C4orf50: variants seen among roughly 807,000 people sequenced by gnomAD.
The protein encoded by C4orf50 is uncharacterized protein C4orf50.
C4orf50 carries 80 observed loss-of-function variants against 77.2 expected under a neutral mutation model. That is an observed-to-expected ratio of 1.04 (90% confidence interval 0.87 to 1.25). The LOEUF is 1.25. Ranked by LOEUF, C4orf50 falls within the 50% of genes most tolerant of loss-of-function variation. C4orf50 has a pLI of 0.00. For missense variants in C4orf50, 1,257 were observed against 1,152.9 expected (o/e 1.09, Z -1.31); for synonymous variants, 532 against 465.3 (o/e 1.14, Z -1.84).
At position 6,017,574 on chromosome 4, in the gene C4orf50, G is replaced by C. The variant is rs367997993; in HGVS notation, c.287+571C>G. On this transcript the variant is annotated intron_variant, in intron 23 of 33. Coordinates refer to ENST00000531445, the Ensembl canonical transcript of C4orf50. This position sits in a 1 kb window ranked among gnomAD's most constrained non-coding sequence, Gnocchi z 4.7. The stretch of plus-strand genomic sequence containing the variant: ...CTTGTCATTGCAGAAACCATAGGCT[G>C]TGATGCCTGTAGCCACCTATGCAAG... Among the ~76,000 whole-genome samples, 72 of 152,202 alleles carry C rather than the reference G, an allele frequency of 4.7e-4. No homozygotes were observed. The highest frequency in any genetic ancestry group is 1.7e-3 in the African/African-American group (70 of 41,442).
At chr4:5,975,773 G>A in intron 30 of C4orf50, 126 bp downstream of exon 8, 1 of 714,750 alleles carries the variant, frequency 1.4e-6, no homozygotes. Flanking sequence ...ACAGGTGTGA[G>A]CCACCGTGCC....
chr4:5,955,540 G>T (rs1299724249), downstream of C4orf50, among the ~76,000 whole-genome samples: 2 of 152,218 alleles, frequency 1.3e-5, no homozygotes, highest in African/African-American at 4.8e-5. This position sits in a 1 kb window ranked among gnomAD's most constrained non-coding sequence, Gnocchi z 5.1. Flanking sequence ...AGCCTGAAGG[G>T]GTCTGGGCAG....
At chr4:5,973,618 T>G (rs1720059738) in intron 31 of C4orf50, 41 bp downstream of exon 9, 1 of 1,535,684 alleles carries the variant, frequency 6.5e-7, no homozygotes. Flanking sequence ...GCGCCCACAC[T>G]CCCATAGGAA....
At chr4:6,002,656 C>T (rs547707305) in intron 25 of C4orf50, among the ~76,000 whole-genome samples, 16 of 152,218 alleles carry the variant, frequency 1.1e-4, no homozygotes, top group African/African-American at 3.9e-4. Flanking sequence ...AGCTTCCCCC[C>T]ACCAGGTGGG....
rs1560551011 is a variant in C4orf50 at position 5,936,580 on chromosome 4, A to AAAAG, written c.*2474+20317_*2474+20320dup. ...GCCATCTCAAAAAAAAAAAAAAAAA[A>AAAAG]AAAGAAAGACAGACAGAGTTAGACA... On this transcript the variant is annotated intron_variant, in intron 7 of 7. Transcript: ENST00000324058. Among the ~76,000 whole-genome samples, 142 of 147,428 alleles carry AAAAG rather than the reference A, an allele frequency of 9.6e-4. 2 individuals are homozygous for AAAAG. The highest frequency in any genetic ancestry group is 3.2e-3 in the African/African-American group (121 of 38,036).
At chr4:5,996,167 C>T (rs73196041) in intron 25 of C4orf50, among the ~76,000 whole-genome samples, 25,294 of 152,190 alleles carry the variant, frequency 0.17, 2,392 homozygotes, top group Non-Finnish European at 0.21. Flanking sequence ...GCTTGCCTGT[C>T]CCAGCGCGTC....
At position 5,975,166 on chromosome 4, in the gene C4orf50, A is replaced by C. The variant is rs1039877018; in HGVS notation, c.3921+733T>G. ...AAAAAAAAAAAAAAAAAAAAAAAAAAAAAAAAAAAAAACTACATCACAGTG... is the reference window on the plus strand; with the variant it reads ...AAAAAAAAAAAAAAAAAAAAAAAAACAAAAAAAAAAAACTACATCACAGTG... On this transcript the variant is annotated intron_variant, in intron 30 of 33. Coordinates refer to ENST00000531445, the Ensembl canonical transcript of C4orf50. 2.0e-4 allele frequency among the ~76,000 whole-genome samples: 23 copies of C among 114,110 alleles called. No homozygotes were observed. In the South Asian group the frequency reaches 3.6e-3, roughly 18 times the overall value. The allele number at this position is 114,110 out of a possible 152,430, so 74.9% of individuals were successfully genotyped here.
intron 25 of C4orf50, among the ~76,000 whole-genome samples, chr4:6,003,865 G>GGTGATGATA (rs1721993026): frequency 7.1e-6 from 1 of 140,136 alleles, no homozygotes; most frequent in Non-Finnish European, 1.6e-5. Context: ...TGATGGTGAT[G>GGTGATGATA]GTGATGATGG....
Position 6,014,938 on chromosome 4 carries a change from T to G in C4orf50, c.288-2970A>C, listed in dbSNP as rs535586571. Among the ~76,000 whole-genome samples the G allele has an allele frequency of 1.6e-4, 25 of 152,306 alleles. No homozygotes were observed. The South Asian group carries it at 3.7e-3, about 23-fold the overall frequency. On this transcript the variant is annotated intron_variant, in intron 23 of 33. Coordinates refer to ENST00000531445, the Ensembl canonical transcript of C4orf50. Reference sequence around the variant, plus strand: ...CTCCCTATGGCTCATGGTGTCCCCCTGGGAATCTCTGTCTTTCCCTCCCCC... The same window carrying G: ...CTCCCTATGGCTCATGGTGTCCCCCGGGGAATCTCTGTCTTTCCCTCCCCC...
chr4:5,963,345 A>C (rs923192945), intron 33 of C4orf50, among the ~76,000 whole-genome samples: 1 of 152,164 alleles, frequency 6.6e-6, no homozygotes, highest in Non-Finnish European at 1.5e-5. Flanking sequence ...AAAATAAAAA[A>C]TCAGAGGTAA....
intron 7 of C4orf50, among the ~76,000 whole-genome samples, chr4:5,946,139 C>T (rs1245486392): frequency 6.6e-6 from 1 of 152,222 alleles, no homozygotes; most frequent in Non-Finnish European, 1.5e-5. Context: ...AGGGTGGTCA[C>T]TGCTTCCCAC....
At chr4:6,013,546 C>T (rs569238863) in intron 23 of C4orf50, among the ~76,000 whole-genome samples, 60 of 152,256 alleles carry the variant, frequency 3.9e-4, no homozygotes, top group African/African-American at 1.3e-3. Flanking sequence ...TGAATGTTAC[C>T]TTAAAATGCA....
intron 7 of C4orf50, among the ~76,000 whole-genome samples, chr4:5,910,830 G>T (rs74699677): frequency 6.6e-6 from 1 of 151,372 alleles, no homozygotes; most frequent in South Asian, 2.1e-4. Flanking sequence ...CCTCTCTATT[G>T]AATTTGAAAG....
intron 23 of C4orf50, among the ~76,000 whole-genome samples, chr4:6,014,679 A>T (rs974482863): frequency 6.6e-6 from 1 of 152,198 alleles, no homozygotes; most frequent in African/African-American, 2.4e-5. Context: ...TGGATCACTT[A>T]GTATTTCATC....
At position 5,948,402 on chromosome 4, in the gene C4orf50, C is replaced by T. The variant is rs191893045; in HGVS notation, c.*2474+8499G>A. ...AGCCAGGGCTGGGCGTGGTGGCTTA[C>T]GCCTGTAATATCCACACTTTGGGAG... On this transcript the variant is annotated intron_variant, in intron 7 of 7. Transcript: ENST00000324058. Among the ~76,000 whole-genome samples, 603 of 152,336 alleles carry T rather than the reference C, an allele frequency of 4.0e-3. 5 individuals carry two copies. The highest frequency in any genetic ancestry group is 0.014 in the African/African-American group (562 of 41,562).
At position 5,980,084 on chromosome 4, in the gene C4orf50, A is replaced by T; in HGVS notation, c.3864+90T>A. ...CCTGCTCCCAACTGGCTGGGTCAAG[A>T]AGACCTCAGCAAATCTTTGTTCACT... On this transcript the variant is annotated intron_variant, in intron 29 of 33. Transcript: ENST00000531445. 2.7e-6 allele frequency: 3 copies of T among 1,100,892 alleles called. No homozygotes were observed. The South Asian group carries it at 5.3e-5, about 19-fold the overall frequency. The allele number at this position is 1,100,892 out of a possible 1,614,324, so 68.2% of individuals were successfully genotyped here.
At chr4:5,993,211 C>T (rs894236194) in intron 26 of C4orf50, among the ~76,000 whole-genome samples, 4 of 152,194 alleles carry the variant, frequency 2.6e-5, no homozygotes, top group Non-Finnish European at 5.9e-5. Context: ...ATCCACCAAA[C>T]CTTTCTAAGC....
At chr4:5,988,977 T>C (rs1721080475) in exon 28 of C4orf50, 2 of 1,536,034 alleles carry the variant, frequency 1.3e-6, no homozygotes, top group Non-Finnish European at 1.7e-6. Flanking sequence ...TCCCTTTCAG[T>C]GTTTCATTTT....
Position 5,948,652 on chromosome 4 carries a change from G to A in C4orf50, c.*2474+8249C>T, listed in dbSNP as rs189214478. Among the ~76,000 whole-genome samples, 251 of 152,280 alleles carry A rather than the reference G, an allele frequency of 1.6e-3. 1 individual carries two copies. The highest frequency in any genetic ancestry group is 2.2e-3 in the Non-Finnish European group (153 of 68,030). ...TCTAATAAAATACAAAAAATTAGCC[G>A]GGTGTGGTGCCATGCACCTGTAGTC... On this transcript the variant is annotated intron_variant, in intron 7 of 7. Coordinates refer to the C4orf50 transcript ENST00000324058.
Sources: gnomAD v4.1 joint callset for allele counts (sites outside exome capture counted in the v4.1 genomes callset) on GRCh38, gnomAD v4.1.1 for gene constraint, Gnocchi (gnomAD v3.1) non-coding constraint, MANE v1.5 for transcripts, NCBI Gene and HGNC (gene_info 2026-07-23, HGNC 2026-07-21) for gene names.